The following ARHGEF12 variants were observed in gnomAD, a reference collection of about 807,000 sequenced individuals.
The protein encoded by ARHGEF12 is KMT2A/ARHGEF12 fusion protein.
A neutral mutation model predicts 211.2 loss-of-function variants in ARHGEF12; 66 were observed. The ratio of observed to expected loss-of-function variants is 0.31; its 90% CI spans 0.26 to 0.38. ARHGEF12 has a LOEUF of 0.38. Among genes scored for constraint, ARHGEF12 ranks in the 10% least tolerant of loss-of-function variants. The pLI is 1.00. For synonymous variants in ARHGEF12, 592 were observed against 638.4 expected (o/e 0.93, Z 1.09); for missense variants, 1,429 against 1,869.5 (o/e 0.76, Z 4.34).
intron 1 of ARHGEF12, among the ~76,000 whole-genome samples, chr11:120,347,153 T>G (rs1942766328): frequency 2.0e-5 from 1 of 49,010 alleles, no homozygotes; most frequent in Non-Finnish European, 3.6e-5. Flanking sequence ...CCTTCCTTCC[T>G]TCCTTCCTTC....
At chr11:120,347,528 G>T (rs538054489) in intron 1 of ARHGEF12, among the ~76,000 whole-genome samples, 1 of 152,124 alleles carries the variant, frequency 6.6e-6, no homozygotes, top group Admixed American at 6.5e-5. Context: ...CATGCCATTT[G>T]CTCTGTGGAG....
chr11:120,363,106 T>G (rs949516532), intron 1 of ARHGEF12, among the ~76,000 whole-genome samples: 1 of 151,480 alleles, frequency 6.6e-6, no homozygotes, highest in Non-Finnish European at 1.5e-5. Flanking sequence ...TCTCAAAAAA[T>G]AAAAAAAGAA....
chr11:120,406,271 G>T, intron 2 of ARHGEF12, 130 bp downstream of exon 2: 1 of 565,110 alleles, frequency 1.8e-6, no homozygotes, highest in Non-Finnish European at 2.9e-6. Flanking sequence ...ATTTCAAAAT[G>T]TTTTACAAAT....
intron 1 of ARHGEF12, among the ~76,000 whole-genome samples, chr11:120,369,112 A>ATCTTCTTT (rs1943515057): frequency 3.4e-5 from 5 of 148,682 alleles, no homozygotes; most frequent in African/African-American, 5.0e-5. Context: ...ATATTCTCAA[A>ATCTTCTTT]TCTTCTTTTC....
At chr11:120,460,449 A>G (rs142108320) in intron 26 of ARHGEF12, among the ~76,000 whole-genome samples, 97 of 152,344 alleles carry the variant, frequency 6.4e-4, no homozygotes, top group African/African-American at 2.3e-3. Context: ...GTAATGTGCT[A>G]GTTTCCAAAA....
intron 6 of ARHGEF12, among the ~76,000 whole-genome samples, chr11:120,422,386 A>G (rs375416270): frequency 1.3e-5 from 2 of 152,208 alleles, no homozygotes; most frequent in East Asian, 1.9e-4. Flanking sequence ...CACTTTGATC[A>G]TACCTGAGAA....
At chr11:120,416,882 C>G (rs558706229) in intron 4 of ARHGEF12, among the ~76,000 whole-genome samples, 1 of 152,176 alleles carries the variant, frequency 6.6e-6, no homozygotes, top group African/African-American at 2.4e-5. Flanking sequence ...AATCTCTTGA[C>G]TTCGTGATCC....
Position 120,364,876 on chromosome 11 carries a change from G to A in ARHGEF12, c.32+27601G>A, listed in dbSNP as rs114549478. On this transcript the variant is annotated intron_variant, in intron 1 of 40. Transcript: ENST00000397843. ...TTTGTCGCCTAGGCTTGAGTGCAGT[G>A]GGCACAATCACAGCTCACTGTAGCC... Among the ~76,000 whole-genome samples, 172 of 146,530 alleles carry A rather than the reference G, an allele frequency of 1.2e-3. 1 individual carries two copies. Among genetic ancestry groups the A allele is most frequent in the African/African-American group, 4.3e-3 (169 of 39,118 alleles).
At chr11:120,463,772 C>T (rs1322567448) in intron 27 of ARHGEF12, 1 of 152,058 alleles carries the variant, frequency 6.6e-6, no homozygotes, top group African/African-American at 2.4e-5. Flanking sequence ...TGAAAAAATA[C>T]TCTGAATTTA....
chr11:120,376,261 T>C (rs1395108152), intron 1 of ARHGEF12, among the ~76,000 whole-genome samples: 1 of 152,138 alleles, frequency 6.6e-6, no homozygotes, highest in Non-Finnish European at 1.5e-5. Flanking sequence ...AGTTGAGAAT[T>C]AGATTTTTTA....
Position 120,477,506 on chromosome 11 carries a change from T to C in ARHGEF12, c.3512T>C (p.Val1171Ala). 6.2e-7 allele frequency: 1 copy of C among 1,612,104 alleles called. No homozygotes were observed. The highest frequency in any genetic ancestry group is 8.5e-7 in the Non-Finnish European group (1 of 1,179,846). Residue 1171 changes from valine (V) to alanine (A), a missense_variant, in exon 36 of 41, where the codon GTC (valine) becomes GCC (alanine). By Grantham distance (64) the Val-to-Ala change is moderately conservative. Transcript: ENST00000397843. ...AAAGAGGAGCAGCATGGCATTTCAG[T>C]CACTGGTTTGCAGAGTCCAGGTACA... is the stretch of plus-strand genomic sequence containing the variant. ...KLKEEQHGISVTGLQSPDRDL... is the reference protein window; with the variant it reads ...KLKEEQHGISATGLQSPDRDL...
chr11:120,430,570 G>A (rs538854708), intron 10 of ARHGEF12, among the ~76,000 whole-genome samples: 2 of 152,164 alleles, frequency 1.3e-5, no homozygotes, highest in African/African-American at 4.8e-5. Context: ...TTCAGATTTG[G>A]GATATGTAAA....
At chr11:120,340,490 G>A (rs1942499307) in intron 1 of ARHGEF12, among the ~76,000 whole-genome samples, 1 of 152,028 alleles carries the variant, frequency 6.6e-6, no homozygotes. Flanking sequence ...TTTAACTTAA[G>A]CAGATTTTTA....
At position 120,477,196 on chromosome 11, in the gene ARHGEF12, G is replaced by T. The variant is rs201573576; in HGVS notation, c.3366-23G>T. On this transcript the variant is annotated intron_variant, in intron 34 of 40. Coordinates refer to ENST00000397843, the MANE Select transcript of ARHGEF12 (RefSeq NM_015313.3). ...TTTCTTTTTTCTTTTTTGTATTTTG[G>T]ATTTCTTTCCAACTTTCTGAAGCTG... 10 of 1,608,034 alleles carry T rather than the reference G, an allele frequency of 6.2e-6. No individual in the cohort carries two copies. In the Admixed American group the frequency reaches 8.4e-5, roughly 14 times the overall value.
At chr11:120,357,577 C>G (rs4936517) in intron 1 of ARHGEF12, among the ~76,000 whole-genome samples, 58,952 of 151,834 alleles carry the variant, frequency 0.39, 11,660 homozygotes, top group African/African-American at 0.43. Context: ...AAGAAACAAT[C>G]AGGTTTTTTT....
At chr11:120,397,293 T>C (rs536345518) in intron 1 of ARHGEF12, among the ~76,000 whole-genome samples, 14 of 152,334 alleles carry the variant, frequency 9.2e-5, no homozygotes, top group Non-Finnish European at 1.9e-4. Context: ...CTTCTGCTGC[T>C]GTTTCCATAA....
chr11:120,355,309 G>A (rs1024256894), intron 1 of ARHGEF12, among the ~76,000 whole-genome samples: 1 of 152,082 alleles, frequency 6.6e-6, no homozygotes, highest in African/African-American at 2.4e-5. Flanking sequence ...TTGTATACTA[G>A]TCGTTTACAT....
chr11:120,484,180 G>A (rs1947337200), intron 39 of ARHGEF12, among the ~76,000 whole-genome samples: 2 of 152,206 alleles, frequency 1.3e-5, no homozygotes, highest in South Asian at 4.1e-4. Flanking sequence ...TGGGAGAATT[G>A]CATCTATGGT....
intron 7 of ARHGEF12, among the ~76,000 whole-genome samples, chr11:120,424,979 T>C (rs1230936779): frequency 6.6e-6 from 1 of 152,176 alleles, no homozygotes; most frequent in Non-Finnish European, 1.5e-5. Flanking sequence ...ATTTGTGATC[T>C]TCAGGTTTGA....
Sources: allele counts gnomAD v4.1 joint callset (sites outside exome capture counted in the v4.1 genomes callset), GRCh38; gene constraint gnomAD v4.1.1; transcripts MANE v1.5; gene names NCBI Gene and HGNC (gene_info 2026-07-23, HGNC 2026-07-21).